Variants in CNBD1 observed in about 807,000 individuals in gnomAD.
CNBD1 encodes cyclic nucleotide binding domain containing 1.
CNBD1 carries 71 observed loss-of-function variants against 54.4 expected under a neutral mutation model. That is an observed-to-expected ratio of 1.30 (90% CI 1.08 to 1.59). The LOEUF (loss-of-function observed/expected upper bound fraction) is 1.59. Ranked by LOEUF, CNBD1 falls within the 40% of genes most tolerant of loss-of-function variation. The pLI is 0.00. For synonymous variants in CNBD1, 182 were observed against 170.7 expected (o/e 1.07, Z -0.51); for missense variants, 659 against 518.0 (o/e 1.27, Z -2.64).
intron 4 of CNBD1, among the ~76,000 whole-genome samples, chr8:87,205,334 C>T (rs537284614): frequency 7.9e-5 from 12 of 152,118 alleles, no homozygotes; most frequent in Non-Finnish European, 1.3e-4. Flanking sequence ...GCCTGGCCAA[C>T]TGCTGAGTAT....
intron 4 of CNBD1, among the ~76,000 whole-genome samples, chr8:87,129,075 A>AAG (rs1812061957): frequency 7.1e-6 from 1 of 141,392 alleles, no homozygotes; most frequent in African/African-American, 2.7e-5. Flanking sequence ...GCCTCAAAAA[A>AAG]AAAAAAAAAA....
intron 8 of CNBD1, among the ~76,000 whole-genome samples, chr8:87,287,684 C>T (rs181319437): frequency 2.2e-4 from 34 of 152,074 alleles, no homozygotes; most frequent in African/African-American, 6.7e-4. Flanking sequence ...CACAGGAAAA[C>T]GAGGTTCAGC....
intron 4 of CNBD1, among the ~76,000 whole-genome samples, chr8:86,940,133 T>TTTTTTTTC (rs1491428124): frequency 0.23 from 1,996 of 8,570 alleles, 154 homozygotes; most frequent in African/African-American, 0.48. Flanking sequence ...CACATGTTAC[T>TTTTTTTTC]TTTTTTTTTT....
chr8:87,295,191 G>T (rs1808857052), intron 8 of CNBD1, among the ~76,000 whole-genome samples: 1 of 151,690 alleles, frequency 6.6e-6, no homozygotes, highest in Non-Finnish European at 1.5e-5. Context: ...GGCTAGAAAT[G>T]TCATTAAAAT....
chr8:86,973,583 T>C (rs1808272397), intron 4 of CNBD1, among the ~76,000 whole-genome samples: 1 of 152,192 alleles, frequency 6.6e-6, no homozygotes, highest in Non-Finnish European at 1.5e-5. Context: ...TATGTTAGAA[T>C]TGAAATATTG....
intron 8 of CNBD1, among the ~76,000 whole-genome samples, chr8:87,295,820 T>C (rs1808866388): frequency 6.6e-6 from 1 of 152,124 alleles, no homozygotes; most frequent in South Asian, 2.1e-4. Flanking sequence ...ACTTAATATA[T>C]AAAAATAAAT....
Position 87,275,008 on chromosome 8 carries a change from C to T in CNBD1, c.772-9670C>T, listed in dbSNP as rs1181281223. 9.7e-5 allele frequency among the ~76,000 whole-genome samples: 13 copies of T among 133,516 alleles called. 1 individual carries two copies. Among genetic ancestry groups the T allele is most frequent in the African/African-American group, 4.0e-4 (13 of 32,830 alleles). 87.6% of individuals were successfully genotyped at this position (133,516 alleles called of 152,430 possible). A position where few individuals can be genotyped will look rare whatever the true frequency, so the allele number is the denominator to read the frequency against. The stretch of plus-strand genomic sequence containing the variant: ...TCTACATATGGCTAGCCAGTTTTCC[C>T]AGCACCATTTATTAAATAGGGAATC... On this transcript the variant is annotated intron_variant, in intron 6 of 10. Transcript: ENST00000518476.
Position 87,255,625 on chromosome 8 carries a change from T to TC in CNBD1, c.771+18515dup, listed in dbSNP as rs564176823. Among the ~76,000 whole-genome samples, 504 of 151,940 alleles carry TC rather than the reference T, an allele frequency of 3.3e-3. 2 individuals are homozygous for TC. Among genetic ancestry groups the TC allele is most frequent in the African/African-American group, 0.012 (484 of 41,492 alleles). ...TTTTTAGCATTTAATACAAATCTTT[T>TC]CCTCAGTCATTCTGTATGTGACTCT... On this transcript the variant is annotated intron_variant, in intron 6 of 10. Coordinates refer to ENST00000518476, the MANE Select transcript of CNBD1 (RefSeq NM_173538.3).
chr8:86,975,761 G>A (rs546795958), intron 4 of CNBD1, among the ~76,000 whole-genome samples: 5 of 151,726 alleles, frequency 3.3e-5, no homozygotes, highest in Non-Finnish European at 7.4e-5. Context: ...GGGATTGCTG[G>A]GTCAAATAAT....
intron 5 of CNBD1, among the ~76,000 whole-genome samples, chr8:87,227,369 T>G (rs879828058): frequency 1.3e-5 from 2 of 149,488 alleles, no homozygotes; most frequent in South Asian, 2.2e-4. Context: ...GATTTTGCAG[T>G]GGCTGGTACC....
At chr8:87,318,580 T>G (rs1244873957) in intron 8 of CNBD1, among the ~76,000 whole-genome samples, 2 of 152,004 alleles carry the variant, frequency 1.3e-5, no homozygotes, top group Non-Finnish European at 2.9e-5. Context: ...TTTCCTCACA[T>G]GCAAGGATGC....
chr8:87,373,691 C>A (rs1488069932), intron 10 of CNBD1, among the ~76,000 whole-genome samples: 2 of 151,588 alleles, frequency 1.3e-5, no homozygotes, highest in Non-Finnish European at 3.0e-5. Flanking sequence ...CCAATTCAGG[C>A]CAAAAAGCCT....
intron 4 of CNBD1, among the ~76,000 whole-genome samples, chr8:87,173,585 G>A (rs548562622): frequency 2.0e-5 from 3 of 151,626 alleles, no homozygotes; most frequent in Admixed American, 6.6e-5. Flanking sequence ...TTTTTCCTTC[G>A]GCATTTTCAA....
In CNBD1 at chr8:86,887,583, G is replaced by T. The variant is rs1204949684; in HGVS notation, c.130G>T (p.Ala44Ser). 6.3e-7 allele frequency: 1 copy of T among 1,582,218 alleles called. No homozygotes were observed. The highest frequency in any genetic ancestry group is 1.2e-5 in the South Asian group (1 of 86,080). Residue 44 changes from alanine to serine, a missense_variant, in exon 2 of 11, where the codon GCA (alanine) becomes TCA (serine). By Grantham distance (99) the Ala-to-Ser change is moderately conservative. Transcript: ENST00000518476. ...GCACATTAATTATGGCCAGTTGAAT[G>T]CATTATGCCACATTAGAGGACAACA... is the stretch of plus-strand genomic sequence containing the variant. ...SKHINYGQLN[A>S]LCHIRGQHSR... is the part of the protein sequence containing the mutation.
chr8:87,408,991 CAAT>C (rs966829743), intron 2 of CNBD1, among the ~76,000 whole-genome samples: 87 of 152,078 alleles, frequency 5.7e-4, no homozygotes, highest in African/African-American at 2.1e-3. Flanking sequence ...CAAATTAGGC[CAAT>C]TAATAACCAT....
chr8:87,411,742 G>C (rs866934884), intron 2 of CNBD1, among the ~76,000 whole-genome samples: 1 of 150,514 alleles, frequency 6.6e-6, no homozygotes, highest in South Asian at 2.1e-4. Context: ...GTTATGTACT[G>C]AAAGGGTTCA....
intron 4 of CNBD1, among the ~76,000 whole-genome samples, chr8:87,030,410 A>G (rs2130592474): frequency 6.6e-6 from 1 of 152,202 alleles, no homozygotes; most frequent in East Asian, 1.9e-4. Context: ...TTATCTTTAT[A>G]GATTTTTCCT....
At chr8:86,959,120 C>T (rs1002749778) in intron 4 of CNBD1, among the ~76,000 whole-genome samples, 2 of 152,102 alleles carry the variant, frequency 1.3e-5, no homozygotes, top group African/African-American at 4.8e-5. Flanking sequence ...CTTATTTTGA[C>T]TGGATATGAA....
rs576249703 is a variant in CNBD1, at chr8:87,388,637, G to A, written c.213+34851G>A. On this transcript the variant is annotated intron_variant, in intron 2 of 7. Coordinates refer to the CNBD1 transcript ENST00000521593. ...GCTTACCAACCAAAAAAAGTCCAGG[G>A]CCAGATGAATTCACAGCCGAATTCT... 1.8e-3 allele frequency among the ~76,000 whole-genome samples: 277 copies of A among 152,094 alleles called. 1 individual carries two copies. The highest frequency in any genetic ancestry group is 6.2e-3 in the African/African-American group (257 of 41,520).
Sources: allele counts gnomAD v4.1 joint callset (sites outside exome capture counted in the v4.1 genomes callset), GRCh38; gene constraint gnomAD v4.1.1; transcripts MANE v1.5; gene names NCBI Gene and HGNC (gene_info 2026-07-23, HGNC 2026-07-21).